Variants in SEMA3A observed in about 807,000 individuals in gnomAD.
SEMA3A encodes the protein semaphorin 3A, also known as semaphorin-3A.
SEMA3A carries 29 observed loss-of-function variants against 97.9 expected under a neutral mutation model. The observed-to-expected ratio is 0.30, with a 90% confidence interval of 0.22 to 0.40. SEMA3A has a LOEUF of 0.40. Ranked by LOEUF, SEMA3A falls within the 10% of genes least tolerant of loss-of-function variation. The pLI is 1.00. For missense variants in SEMA3A, 763 were observed against 951.3 expected (o/e 0.80, Z 2.60); for synonymous variants, 321 against 323.7 (o/e 0.99, Z 0.09).
intron 1 of SEMA3A, among the ~76,000 whole-genome samples, chr7:84,476,077 C>G (rs531176985): frequency 6.6e-6 from 1 of 151,818 alleles, no homozygotes; most frequent in Non-Finnish European, 1.5e-5. Context: ...TTTTTTTTGG[C>G]CAGGTGCGGT....
intron 1 of SEMA3A, among the ~76,000 whole-genome samples, chr7:84,374,303 C>A (rs748582208): frequency 1.3e-5 from 2 of 152,124 alleles, no homozygotes. Context: ...TATTTATACC[C>A]AAAGATGTTC....
intron 5 of SEMA3A, among the ~76,000 whole-genome samples, chr7:84,051,225 A>C: frequency 6.6e-6 from 1 of 151,400 alleles, no homozygotes; most frequent in Non-Finnish European, 1.5e-5. Context: ...ACTTTAAAGT[A>C]GTTTTTTCCA....
rs924590987 is a variant in SEMA3A at position 83,981,180 on chromosome 7, G to A, written c.1652+141C>T. 1.3e-5 allele frequency: 11 copies of A among 850,840 alleles called. No individual in the cohort carries two copies. The South Asian group carries it at 1.8e-4, about 14-fold the overall frequency. The allele number at this position is 850,840 out of a possible 1,614,324, so 52.7% of individuals were successfully genotyped here. On this transcript the variant is annotated intron_variant, in intron 14 of 16. Transcript: ENST00000265362. ...TTGAAGAGAAGAGAAAAAACAAAAC[G>A]CAACAATCCCCTCCATCTGCTCCCA...
At chr7:84,350,020 C>G (rs1316176163) in intron 2 of SEMA3A, among the ~76,000 whole-genome samples, 1 of 152,040 alleles carries the variant, frequency 6.6e-6, no homozygotes, top group Admixed American at 6.6e-5. Flanking sequence ...CCCAAATCCC[C>G]CCAAATTGGC....
chr7:84,198,890 T>A (rs550224374), upstream of SEMA3A, among the ~76,000 whole-genome samples: 1 of 152,304 alleles, frequency 6.6e-6, no homozygotes, highest in African/African-American at 2.4e-5. Context: ...TCACAACAGG[T>A]TAGTTAACTT....
At chr7:84,054,202 C>T (rs1466250876) in intron 5 of SEMA3A, among the ~76,000 whole-genome samples, 1 of 152,248 alleles carries the variant, frequency 6.6e-6, no homozygotes, top group Non-Finnish European at 1.5e-5. Flanking sequence ...TGGAGTTGCT[C>T]TTCTCGAGGA....
intron 2 of SEMA3A, among the ~76,000 whole-genome samples, chr7:84,349,925 C>T (rs1174585874): frequency 6.6e-6 from 1 of 152,028 alleles, no homozygotes; most frequent in African/African-American, 2.4e-5. Flanking sequence ...TCCCTTTGCG[C>T]TCCAGATTTA....
At chr7:84,258,551 G>T (rs1273601966) in intron 3 of SEMA3A, among the ~76,000 whole-genome samples, 1 of 79,672 alleles carries the variant, frequency 1.3e-5, no homozygotes, top group Non-Finnish European at 2.7e-5. Context: ...TTTGGTTTTT[G>T]CAGGATTTTA....
At chr7:84,441,230 G>A (rs1382014396) in intron 1 of SEMA3A, among the ~76,000 whole-genome samples, 1 of 151,314 alleles carries the variant, frequency 6.6e-6, no homozygotes, top group East Asian at 1.9e-4. Flanking sequence ...TCTTATAACA[G>A]ACCTACTAGA....
chr7:84,391,756 A>G (rs999548335), intron 1 of SEMA3A, among the ~76,000 whole-genome samples: 29 of 152,220 alleles, frequency 1.9e-4, no homozygotes, highest in African/African-American at 6.5e-4. Flanking sequence ...AAGATTGCTG[A>G]GTCCAGGAGT....
chr7:84,467,310 CAGG>C (rs532639008), intron 1 of SEMA3A, among the ~76,000 whole-genome samples: 2 of 151,988 alleles, frequency 1.3e-5, no homozygotes, highest in Non-Finnish European at 2.9e-5. Context: ...ATCACGAGGT[CAGG>C]AGATCGAGAC....
chr7:84,264,101 A>T (rs888397484), intron 3 of SEMA3A, among the ~76,000 whole-genome samples: 1 of 152,138 alleles, frequency 6.6e-6, no homozygotes, highest in Non-Finnish European at 1.5e-5. Context: ...TAGTATATAT[A>T]TTTTTATTTT....
chr7:84,289,904 G>T (rs374044817), intron 3 of SEMA3A, among the ~76,000 whole-genome samples: 1 of 152,086 alleles, frequency 6.6e-6, no homozygotes, highest in Non-Finnish European at 1.5e-5. Flanking sequence ...ATAAATTGTG[G>T]CATATCCATT....
intron 1 of SEMA3A, among the ~76,000 whole-genome samples, chr7:84,398,719 G>A (rs190460095): frequency 1.3e-5 from 2 of 152,032 alleles, no homozygotes; most frequent in Non-Finnish European, 2.9e-5. Context: ...GAGGAAGGAG[G>A]ATCACTAGAG....
intron 5 of SEMA3A, among the ~76,000 whole-genome samples, chr7:84,060,072 A>G (rs1004232486): frequency 6.6e-6 from 1 of 152,134 alleles, no homozygotes; most frequent in Non-Finnish European, 1.5e-5. Context: ...ATTTTGTTAG[A>G]TTTTCCAAAA....
chr7:84,484,545 T>TCACA lies in SEMA3A; in HGVS notation c.-246+7911_-246+7914dup, dbSNP rs10573589. The stretch of plus-strand genomic sequence containing the variant: ...CATGCACATATTCACTTGTTCACTT[T>TCACA]CACACACACACACACACACACACAC... On this transcript the variant is annotated intron_variant, in intron 1 of 3. Transcript: ENST00000424555. Among the ~76,000 whole-genome samples, 2,017 of 149,400 alleles carry TCACA rather than the reference T, an allele frequency of 0.014. 91 individuals are homozygous for TCACA. In the East Asian group the frequency reaches 0.15, roughly 11 times the overall value.
At chr7:84,174,150 GA>G (rs991403670) in intron 1 of SEMA3A, among the ~76,000 whole-genome samples, 12 of 146,358 alleles carry the variant, frequency 8.2e-5, no homozygotes, top group East Asian at 4.0e-4. Flanking sequence ...CAAGTGAGTT[GA>G]AAAAAAAAAG....
At chr7:84,216,418 T>C (rs1031090102) in intron 3 of SEMA3A, among the ~76,000 whole-genome samples, 6 of 152,164 alleles carry the variant, frequency 3.9e-5, no homozygotes, top group African/African-American at 1.4e-4. Flanking sequence ...GATTTTCTTA[T>C]AGATAAGAGC....
chr7:84,230,389 C>T (rs1056094750), intron 3 of SEMA3A, among the ~76,000 whole-genome samples: 42 of 152,068 alleles, frequency 2.8e-4, no homozygotes, highest in Middle Eastern at 3.4e-3. Flanking sequence ...AACTTCAAAA[C>T]GGATATTTCT....
Sources: gnomAD v4.1 joint callset for allele counts (sites outside exome capture counted in the v4.1 genomes callset) on GRCh38, gnomAD v4.1.1 for gene constraint, MANE v1.5 for transcripts, NCBI Gene and HGNC (gene_info 2026-07-23, HGNC 2026-07-21) for gene names.